The following KCTD8 variants were observed in gnomAD, a reference collection of about 807,000 sequenced individuals.
The protein encoded by KCTD8 is potassium channel tetramerization domain containing 8.
Under a neutral mutation model 31.5 loss-of-function variants are expected in KCTD8, and 27 were observed. The ratio of observed to expected loss-of-function variants is 0.86; its 90% CI spans 0.63 to 1.18. KCTD8 has a LOEUF of 1.18. Ranked by LOEUF, KCTD8 falls within the 50% of genes most tolerant of loss-of-function variation. The pLI is 0.00. For synonymous variants in KCTD8, 290 were observed against 280.0 expected (o/e 1.04, Z -0.36); for missense variants, 658 against 647.7 (o/e 1.02, Z -0.17).
chr4:44,300,666 T>A (rs1717584779), intron 1 of KCTD8, among the ~76,000 whole-genome samples: 1 of 151,426 alleles, frequency 6.6e-6, no homozygotes, highest in Non-Finnish European at 1.5e-5. Context: ...GTATGTTTTT[T>A]AAATGCTTAT....
intron 1 of KCTD8, among the ~76,000 whole-genome samples, chr4:44,359,062 G>A (rs1719431021): frequency 6.6e-6 from 1 of 152,030 alleles, no homozygotes; most frequent in South Asian, 2.1e-4. Context: ...CTGGATATTA[G>A]CCTTTTGTCA....
At chr4:44,309,382 G>T (rs964466173) in intron 1 of KCTD8, among the ~76,000 whole-genome samples, 4 of 152,010 alleles carry the variant, frequency 2.6e-5, no homozygotes, top group African/African-American at 9.7e-5. Context: ...GCAGGTGTTT[G>T]TACTCCTAAA....
intron 1 of KCTD8, among the ~76,000 whole-genome samples, chr4:44,322,846 C>T (rs930173287): frequency 1.3e-5 from 2 of 151,890 alleles, no homozygotes; most frequent in Non-Finnish European, 2.9e-5. Context: ...GAAAAGTGTT[C>T]TTTTCTCAAT....
At chr4:44,381,572 T>C (rs529713476) in intron 1 of KCTD8, among the ~76,000 whole-genome samples, 61 of 152,166 alleles carry the variant, frequency 4.0e-4, no homozygotes, top group African/African-American at 1.3e-3. Flanking sequence ...GAGACAATTA[T>C]ATTGTTTGGT....
chr4:44,398,839 G>A (rs17653064), intron 1 of KCTD8, among the ~76,000 whole-genome samples: 41,382 of 151,986 alleles, frequency 0.27, 5,871 homozygotes, highest in East Asian at 0.39. Context: ...GAAAGAGCAC[G>A]GGTGGTTTCA....
chr4:44,414,742 T>A (rs139254253), intron 1 of KCTD8, among the ~76,000 whole-genome samples: 1 of 152,324 alleles, frequency 6.6e-6, no homozygotes, highest in Non-Finnish European at 1.5e-5. Flanking sequence ...AAATCTCATA[T>A]TGGAATGCAC....
At chr4:44,215,470 T>C (rs1460829958) in intron 1 of KCTD8, among the ~76,000 whole-genome samples, 1 of 152,224 alleles carries the variant, frequency 6.6e-6, no homozygotes, top group Non-Finnish European at 1.5e-5. Context: ...AACATTCTTT[T>C]AAATCATTTA....
intron 1 of KCTD8, among the ~76,000 whole-genome samples, chr4:44,272,957 T>C (rs1025237053): frequency 6.6e-6 from 1 of 152,062 alleles, no homozygotes; most frequent in African/African-American, 2.4e-5. Context: ...ATAGTTCTTA[T>C]GGGGAAGAGT....
At chr4:44,226,473 C>A (rs1714966683) in intron 1 of KCTD8, among the ~76,000 whole-genome samples, 2 of 152,086 alleles carry the variant, frequency 1.3e-5, no homozygotes, top group African/African-American at 4.8e-5. Flanking sequence ...CCAAGTCTTG[C>A]TATTGTAAAT....
chr4:44,379,755 C>A (rs1720012172), intron 1 of KCTD8, among the ~76,000 whole-genome samples: 1 of 151,964 alleles, frequency 6.6e-6, no homozygotes, highest in African/African-American at 2.4e-5. Context: ...TGTTGCCAAG[C>A]AAAATTACAT....
intron 1 of KCTD8, among the ~76,000 whole-genome samples, chr4:44,383,575 C>T (rs559834418): frequency 1.7e-4 from 26 of 151,914 alleles, no homozygotes; most frequent in African/African-American, 2.9e-4. Flanking sequence ...AAGGACAGTC[C>T]GTCTCTTTAA....
intron 1 of KCTD8, among the ~76,000 whole-genome samples, chr4:44,269,231 T>A (rs946389102): frequency 6.6e-6 from 1 of 151,984 alleles, no homozygotes; most frequent in Non-Finnish European, 1.5e-5. Flanking sequence ...TCAGAAATAA[T>A]GCCACATATC....
intron 1 of KCTD8, among the ~76,000 whole-genome samples, chr4:44,423,334 T>C (rs1315727956): frequency 2.0e-5 from 3 of 152,116 alleles, no homozygotes; most frequent in Non-Finnish European, 2.9e-5. Context: ...TTTTCCTCTA[T>C]GGAAATGTTT....
intron 1 of KCTD8, among the ~76,000 whole-genome samples, chr4:44,378,181 A>G (rs1017553565): frequency 7.4e-5 from 11 of 148,390 alleles, no homozygotes; most frequent in African/African-American, 2.5e-4. Context: ...TTCCCTACGG[A>G]CTGAAATAAA....
At chr4:44,332,372 G>A (rs1453608685) in intron 1 of KCTD8, among the ~76,000 whole-genome samples, 1 of 151,948 alleles carries the variant, frequency 6.6e-6, no homozygotes, top group Non-Finnish European at 1.5e-5. Flanking sequence ...ACACATGGCT[G>A]TTATATAATA....
At chr4:44,195,492 G>A (rs1301239629) in intron 1 of KCTD8, among the ~76,000 whole-genome samples, 3 of 152,140 alleles carry the variant, frequency 2.0e-5, no homozygotes, top group African/African-American at 7.2e-5. Flanking sequence ...TCATACAGAA[G>A]ACCAAGAAGA....
intron 1 of KCTD8, among the ~76,000 whole-genome samples, chr4:44,258,431 T>G (rs1423061662): frequency 6.6e-6 from 1 of 151,960 alleles, no homozygotes; most frequent in Non-Finnish European, 1.5e-5. Flanking sequence ...AGAAAAGAGT[T>G]TAACTAATTC....
At chr4:44,385,446 T>TG (rs1389451976) in intron 1 of KCTD8, among the ~76,000 whole-genome samples, 1 of 151,712 alleles carries the variant, frequency 6.6e-6, no homozygotes, top group African/African-American at 2.4e-5. Flanking sequence ...CACTATTCAA[T>TG]GGGGAATGCA....
chr4:44,240,782 T>C (rs907975998), intron 1 of KCTD8, among the ~76,000 whole-genome samples: 1 of 152,196 alleles, frequency 6.6e-6, no homozygotes, highest in Non-Finnish European at 1.5e-5. Context: ...TTGTTACAAC[T>C]CTAAAGATCA....
Sources: gnomAD v4.1 joint callset for allele counts (sites outside exome capture counted in the v4.1 genomes callset) on GRCh38, gnomAD v4.1.1 for gene constraint, MANE v1.5 for transcripts, NCBI Gene and HGNC (gene_info 2026-07-23, HGNC 2026-07-21) for gene names.